The following TNFRSF10B variants were observed in gnomAD, a reference collection of about 807,000 sequenced individuals.
TNFRSF10B encodes TNF receptor superfamily member 10b, also known as tumor necrosis factor receptor superfamily member 10B.
Under a neutral mutation model 41.4 loss-of-function variants are expected in TNFRSF10B, and 35 were observed. The ratio of observed to expected loss-of-function variants is 0.85; its 90% CI spans 0.65 to 1.12. TNFRSF10B has a LOEUF of 1.12. Ranked by LOEUF, TNFRSF10B falls within the 50% of genes most tolerant of loss-of-function variation. The probability of loss-of-function intolerance (pLI) is 0.00; values close to 1 mark genes in which losing one functional copy is unlikely to be tolerated. For synonymous variants in TNFRSF10B, 230 were observed against 215.5 expected, an observed-to-expected ratio of 1.07 and a Z score of -0.59; for missense variants, 584 against 552.7, an observed-to-expected ratio of 1.06 and a Z score of -0.57.
intron 2 of TNFRSF10B, among the ~76,000 whole-genome samples, chr8:23,039,665 A>G (rs550808464): frequency 6.6e-6 from 1 of 152,318 alleles, no homozygotes; most frequent in East Asian, 1.9e-4. Flanking sequence ...GTTGACACAT[A>G]AAATCAACCA....
intron 1 of TNFRSF10B, among the ~76,000 whole-genome samples, chr8:23,048,055 A>G (rs1355434115): frequency 6.6e-6 from 1 of 152,266 alleles, no homozygotes; most frequent in East Asian, 1.9e-4. Context: ...ACTTGAAACA[A>G]CATGGATGGA....
chr8:23,055,245 C>A (rs565101334), intron 1 of TNFRSF10B, among the ~76,000 whole-genome samples: 2 of 152,054 alleles, frequency 1.3e-5, no homozygotes, highest in Non-Finnish European at 2.9e-5. Context: ...CTCTAAGCCC[C>A]TAAAATAGAC....
chr8:23,026,410 A>T (rs1811702771), intron 7 of TNFRSF10B, among the ~76,000 whole-genome samples: 1 of 152,220 alleles, frequency 6.6e-6, no homozygotes, highest in Non-Finnish European at 1.5e-5. Context: ...GCTTGGAAGA[A>T]GGAAACAGAG....
rs1456040578 is a variant in TNFRSF10B at position 23,022,900 on chromosome 8, T to A, written c.1094A>T (p.Asp365Val). 3 of 1,614,096 alleles carry A rather than the reference T, an allele frequency of 1.9e-6. No homozygotes were observed. The highest frequency in any genetic ancestry group is 2.5e-6 in the Non-Finnish European group (3 of 1,180,004). ...EPLMRKLGLM[D>V]NEIKVAKAEA... is the part of the protein sequence containing the mutation. The stretch of plus-strand genomic sequence containing the variant: ...AGCTTTAGCCACCTTTATCTCATTG[T>A]CCATGAGGCCCAACTTCCTCATGAG... Residue 365 changes from aspartate to valine, a missense_variant, in exon 9 of 9, where the codon GAC becomes GTC. Transcript: ENST00000276431.
In TNFRSF10B at chr8:23,042,969, G is replaced by A; in HGVS notation, c.250+169C>T. 14 of 615,322 alleles carry A rather than the reference G, an allele frequency of 2.3e-5. 1 individual carries two copies. The South Asian group carries it at 2.9e-4, about 13-fold the overall frequency. The allele number at this position is 615,322 out of a possible 1,614,324, so 38.1% of individuals were successfully genotyped here. A position where few individuals can be genotyped will look rare whatever the true frequency, so the allele number is the denominator to read the frequency against. ...CTTTGGCTGTCTCATTCATTTGTGT[G>A]TCTTGATACCATCCTAGCAGGAAGG... is the stretch of plus-strand genomic sequence containing the variant. On this transcript the variant is annotated intron_variant, in intron 2 of 8. Transcript: ENST00000276431.
chr8:23,053,719 A>T (rs1356332203), intron 1 of TNFRSF10B, among the ~76,000 whole-genome samples: 2 of 152,212 alleles, frequency 1.3e-5, no homozygotes, highest in East Asian at 3.8e-4. Flanking sequence ...AAATTGGGTA[A>T]ATGTGTCTAT....
chr8:23,057,257 G>A (rs1456136832), intron 1 of TNFRSF10B, among the ~76,000 whole-genome samples: 1 of 151,452 alleles, frequency 6.6e-6, no homozygotes, highest in Non-Finnish European at 1.5e-5. Flanking sequence ...GTGTTAGCCA[G>A]GATGGTCTCA....
chr8:23,053,876 T>G (rs1255026223), intron 1 of TNFRSF10B, among the ~76,000 whole-genome samples: 1 of 152,222 alleles, frequency 6.6e-6, no homozygotes. Flanking sequence ...CATAAATATA[T>G]TATTGGTATG....
intron 1 of TNFRSF10B, among the ~76,000 whole-genome samples, chr8:23,050,624 T>G (rs929041240): frequency 1.3e-5 from 2 of 152,204 alleles, no homozygotes; most frequent in Non-Finnish European, 2.9e-5. Flanking sequence ...GAAGCTACTC[T>G]GGGGTTTTAA....
chr8:23,024,444 C>G (rs1429465469), intron 7 of TNFRSF10B, among the ~76,000 whole-genome samples, 184 bp from the exon 8 acceptor site: 2 of 151,942 alleles, frequency 1.3e-5, no homozygotes, highest in Non-Finnish European at 2.9e-5. Context: ...ATACAGCAGT[C>G]AATATTTTAG....
intron 2 of TNFRSF10B, among the ~76,000 whole-genome samples, chr8:23,032,164 T>C (rs1479873207): frequency 6.6e-6 from 1 of 152,116 alleles, no homozygotes; most frequent in African/African-American, 2.4e-5. Flanking sequence ...CTCACATATT[T>C]CAAGTGATTG....
At chr8:23,060,664 C>G (rs1812806893) in intron 1 of TNFRSF10B, among the ~76,000 whole-genome samples, 1 of 152,098 alleles carries the variant, frequency 6.6e-6, no homozygotes, top group Non-Finnish European at 1.5e-5. Context: ...TACATTTTTT[C>G]ATTTCTGCAA....
chr8:23,029,156 G>A (rs1014491335), intron 4 of TNFRSF10B, among the ~76,000 whole-genome samples: 1 of 152,188 alleles, frequency 6.6e-6, no homozygotes, highest in East Asian at 1.9e-4. Context: ...ATGGGAACTT[G>A]AAGGAGCTCC....
intron 1 of TNFRSF10B, among the ~76,000 whole-genome samples, chr8:23,067,979 CTT>C (rs1206957491): frequency 2.0e-5 from 3 of 152,238 alleles, no homozygotes; most frequent in Non-Finnish European, 4.4e-5. Context: ...AAAGCCGACT[CTT>C]TGTCCCTTCC....
chr8:23,065,589 A>G (rs1036863762), intron 1 of TNFRSF10B, among the ~76,000 whole-genome samples: 15 of 152,328 alleles, frequency 9.8e-5, no homozygotes, highest in Non-Finnish European at 1.3e-4. Context: ...GCGAGTTACC[A>G]TCAGAAGTCA....
Position 23,028,445 on chromosome 8 carries a change from A to T in TNFRSF10B, c.634T>A (p.Ser212Thr). 6.2e-7 allele frequency: 1 copy of T among 1,614,166 alleles called. No individual in the cohort carries two copies. The highest frequency in any genetic ancestry group is 8.5e-7 in the Non-Finnish European group (1 of 1,179,994). Residue 212 changes from serine (S) to threonine (T), a missense_variant, in exon 5 of 9, where the codon TCA becomes ACA. Physicochemically the swap from Ser to Thr is moderately conservative, Grantham distance 58 (BLOSUM62 1). Coordinates refer to ENST00000276431, the MANE Select transcript of TNFRSF10B (RefSeq NM_003842.5). The part of the protein sequence containing the change: ...PGTPASPCSL[S>T]GIIIGVTVAA... ...ACTGTGACTCCTATGATGATGCCTG[A>T]GAGAGAACAGGGAGAGGCAGGAGTC... is the stretch of plus-strand genomic sequence containing the variant.
chr8:23,024,327 C>T lies in TNFRSF10B; in HGVS notation c.937-67G>A. 7 of 1,582,514 alleles carry T rather than the reference C, an allele frequency of 4.4e-6. No homozygotes were observed. The South Asian group carries it at 7.7e-5, about 17-fold the overall frequency. On this transcript the variant is annotated intron_variant, in intron 7 of 8. Transcript: ENST00000276431. ...TCCTACAGTCCAGTACTGACCCCGA[C>T]CACCAGCCAGCTCTGAGACCTGCAG...
At chr8:23,026,830 C>A (rs945999875) in intron 7 of TNFRSF10B, among the ~76,000 whole-genome samples, 1 of 152,198 alleles carries the variant, frequency 6.6e-6, no homozygotes, top group African/African-American at 2.4e-5. Flanking sequence ...CTGTTAGGAG[C>A]ATACGATGGA....
chr8:23,060,379 C>A (rs1812798641), intron 1 of TNFRSF10B, among the ~76,000 whole-genome samples: 1 of 152,198 alleles, frequency 6.6e-6, no homozygotes, highest in South Asian at 2.1e-4. Flanking sequence ...CTCCTAGCCC[C>A]CTTCATTGAA....
Sources: gnomAD v4.1 joint callset for allele counts (sites outside exome capture counted in the v4.1 genomes callset) on GRCh38, gnomAD v4.1.1 for gene constraint, MANE v1.5 for transcripts, NCBI Gene and HGNC (gene_info 2026-07-23, HGNC 2026-07-21) for gene names.